The following LMNA variants were observed in gnomAD, a reference collection of about 807,000 sequenced individuals.
LMNA encodes lamin.
LMNA carries 20 observed loss-of-function variants against 70.4 expected under a neutral mutation model. The ratio of observed to expected loss-of-function variants is 0.28; its 90% CI spans 0.20 to 0.41. LMNA has a LOEUF of 0.41. LMNA is among the 10% of genes least tolerant of loss of function. The pLI is 1.00. For missense variants in LMNA, 652 were observed against 917.2 expected (o/e 0.71, Z 3.73); for synonymous variants, 339 against 372.8 (o/e 0.91, Z 1.04).
intron 2 of LMNA, among the ~76,000 whole-genome samples, chr1:156,086,977 G>A (rs1210215486): frequency 1.3e-5 from 2 of 151,796 alleles, no homozygotes; most frequent in Non-Finnish European, 2.9e-5. Context: ...AGCACTTCTG[G>A]GCACCTGTTA....
intron 1 of LMNA, among the ~76,000 whole-genome samples, chr1:156,128,932 C>G (rs549951952): frequency 6.6e-6 from 1 of 152,318 alleles, no homozygotes; most frequent in South Asian, 2.1e-4. Flanking sequence ...TTCACTTTAC[C>G]AGCGGTTTTT....
intron 3 of LMNA, among the ~76,000 whole-genome samples, chr1:156,097,350 C>CA (rs1305186263): frequency 2.0e-5 from 3 of 152,228 alleles, no homozygotes; most frequent in African/African-American, 7.2e-5. Context: ...GCTGAGCATG[C>CA]ATTCCCCCAG....
chr1:156,126,415 G>T, intron 1 of LMNA: 4 of 623,290 alleles, frequency 6.4e-6, no homozygotes, highest in Non-Finnish European at 1.1e-5. Context: ...CCCAGCAACC[G>T]GGCCCAAACA....
intron 1 of LMNA, among the ~76,000 whole-genome samples, chr1:156,116,770 G>A (rs1024345591): frequency 4.7e-4 from 71 of 152,048 alleles, no homozygotes; most frequent in African/African-American, 1.6e-3. Flanking sequence ...CTCCATGTTC[G>A]TCAGGCTAGT....
chr1:156,131,585 G>A (rs1651067129), intron 2 of LMNA, among the ~76,000 whole-genome samples: 1 of 152,088 alleles, frequency 6.6e-6, no homozygotes, highest in Non-Finnish European at 1.5e-5. Flanking sequence ...GGGAAACCCT[G>A]TCTCTACATA....
intron 3 of LMNA, among the ~76,000 whole-genome samples, chr1:156,107,967 A>T (rs535470122): frequency 3.3e-5 from 5 of 151,958 alleles, no homozygotes; most frequent in East Asian, 1.9e-4. Context: ...GAGTTTTACC[A>T]TGTTGGCCAG....
chr1:156,088,661 A>ATATTTTTTTTTTTTTTTTTTTTTT (rs1648574860), intron 2 of LMNA, among the ~76,000 whole-genome samples: 1 of 152,082 alleles, frequency 6.6e-6, no homozygotes, highest in Non-Finnish European at 1.5e-5. Flanking sequence ...TATTTTATAT[A>ATATTTTTTTTTTTTTTTTTTTTTT]TTTTTTGAGA....
chr1:156,085,451 T>A (rs1337644647), intron 2 of LMNA, among the ~76,000 whole-genome samples: 1 of 152,120 alleles, frequency 6.6e-6, no homozygotes, highest in Non-Finnish European at 1.5e-5. Context: ...TAAACAATAC[T>A]CCCCACTCTC....
At chr1:156,125,978 A>G (rs1168207037) in intron 1 of LMNA, among the ~76,000 whole-genome samples, 2 of 152,198 alleles carry the variant, frequency 1.3e-5, no homozygotes, top group African/African-American at 2.4e-5. Flanking sequence ...CAAAATAATA[A>G]TAATAGTAAT....
At chr1:156,095,004 T>C (rs1223156110) in intron 3 of LMNA, among the ~76,000 whole-genome samples, 1 of 150,322 alleles carries the variant, frequency 6.7e-6, no homozygotes, top group Non-Finnish European at 1.5e-5. Context: ...TCACTGCAAC[T>C]TCCGCCTTGC....
intron 1 of LMNA, among the ~76,000 whole-genome samples, chr1:156,120,652 A>G (rs137875352): frequency 0.015 from 2,226 of 152,200 alleles, 29 homozygotes; most frequent in Non-Finnish European, 0.022. Context: ...GTTTGAGGCT[A>G]TTGTGAGCTA....
intron 1 of LMNA, among the ~76,000 whole-genome samples, chr1:156,123,863 C>A (rs572158054): frequency 6.6e-6 from 1 of 152,322 alleles, no homozygotes; most frequent in South Asian, 2.1e-4. Context: ...GTGACTCAGG[C>A]CTGGCCCCCT....
Position 156,138,829 on chromosome 1 carries a change from C to A in LMNA, c.1968+72C>A, listed in dbSNP as rs1056072992. The A allele has an allele frequency of 1.9e-6, 3 of 1,591,360 alleles. No homozygotes were observed. Among genetic ancestry groups the A allele is most frequent in the African/African-American group, 1.3e-5 (1 of 74,462 alleles). On this transcript the variant is annotated intron_variant, in intron 11 of 11. Coordinates refer to ENST00000368300, the MANE Select transcript of LMNA (RefSeq NM_170707.4). The surrounding 1 kb of genome is among the most constrained non-coding windows in gnomAD (Gnocchi z 5.5). Reference sequence around the variant, plus strand: ...GTCATCGAGGGGTAGGACGAGGTGGCCTTGCAGGGGGGAGAGCCTGCCTTC... The same window carrying A: ...GTCATCGAGGGGTAGGACGAGGTGGACTTGCAGGGGGGAGAGCCTGCCTTC...
rs1651896677 is a variant in LMNA at position 156,138,955 on chromosome 1, G to A, written c.1969-125G>A. On this transcript the variant is annotated intron_variant, in intron 11 of 11. Transcript: ENST00000368300. The surrounding 1 kb of genome is among the most constrained non-coding windows in gnomAD (Gnocchi z 5.5). ...CCTCTTGTCTGAGCCCCAGACTGGAGGGCAGGGGCAGGGCTGGAGTGTGAG... is the reference window on the plus strand; with the variant it reads ...CCTCTTGTCTGAGCCCCAGACTGGAAGGCAGGGGCAGGGCTGGAGTGTGAG... 6 of 1,300,670 alleles carry A rather than the reference G, an allele frequency of 4.6e-6. No homozygotes were observed. Among genetic ancestry groups the A allele is most frequent in the East Asian group, 4.6e-5 (2 of 43,108 alleles). 80.6% of individuals were successfully genotyped at this position (1,300,670 alleles called of 1,614,324 possible). A position where few individuals can be genotyped will look rare whatever the true frequency, so the allele number is the denominator to read the frequency against.
rs1651789945 is a variant in LMNA at position 156,137,715 on chromosome 1, A to G, written c.1670A>G (p.Asp557Gly). Residue 557 changes from aspartate to glycine, a missense_variant, in exon 10 of 12, where the codon GAT becomes GGT. Transcript: ENST00000368300. This position sits in a 1 kb window ranked among gnomAD's most constrained non-coding sequence, Gnocchi z 4.6. ...GTGGTTGAGGACGACGAGGATGAGG[A>G]TGGAGATGACCTGCTCCATCACCAC... ...VTVVEDDEDE[D>G]GDDLLHHHHG... 1 of 1,554,216 alleles carries G rather than the reference A, an allele frequency of 6.4e-7. No individual in the cohort carries two copies. The highest frequency in any genetic ancestry group is 1.4e-5 in the African/African-American group (1 of 73,556).
intron 2 of LMNA, among the ~76,000 whole-genome samples, chr1:156,085,591 C>T (rs12035654): frequency 0.18 from 26,990 of 152,188 alleles, 2,646 homozygotes; most frequent in Non-Finnish European, 0.23. Flanking sequence ...TGCAGCCCTG[C>T]CCAGAGCAGA....
intron 1 of LMNA, among the ~76,000 whole-genome samples, chr1:156,126,009 A>T (rs1200882799): frequency 6.6e-6 from 1 of 152,196 alleles, no homozygotes; most frequent in Non-Finnish European, 1.5e-5. Context: ...GAAAAATTTT[A>T]AAATTAAACA....
intron 3 of LMNA, among the ~76,000 whole-genome samples, chr1:156,101,625 C>CGGAA (rs1169985470): frequency 1.6e-4 from 11 of 70,636 alleles, no homozygotes; most frequent in South Asian, 1.4e-3. Flanking sequence ...GAAGGAAGGA[C>CGGAA]GGAAGGAAGG....
chr1:156,114,076 A>G (rs1649643472), upstream of LMNA, among the ~76,000 whole-genome samples: 1 of 152,200 alleles, frequency 6.6e-6, no homozygotes. Flanking sequence ...GGACCCCCCA[A>G]ACTCCTTGAT....
Sources: allele counts gnomAD v4.1 joint callset (sites outside exome capture counted in the v4.1 genomes callset), GRCh38; gene constraint gnomAD v4.1.1; non-coding constraint Gnocchi (gnomAD v3.1); transcripts MANE v1.5; gene names NCBI Gene and HGNC (gene_info 2026-07-23, HGNC 2026-07-21).